Variants in ABCA13 observed in about 807,000 individuals in gnomAD.
The protein encoded by ABCA13 is ATP binding cassette subfamily A member 13, also known as ATP-binding cassette sub-family A member 13.
ABCA13 carries 476 observed loss-of-function variants against 478.7 expected under a neutral mutation model. The observed-to-expected ratio is 0.99, with a 90% confidence interval of 0.92 to 1.07. The LOEUF is 1.07. ABCA13 is among the 50% of genes least tolerant of loss of function. ABCA13 has a pLI of 0.00. For missense variants in ABCA13, 6,060 were observed against 5,910.6 expected, an observed-to-expected ratio of 1.03 and a Z score of -0.83; for synonymous variants, 2,252 against 2,158.9, an observed-to-expected ratio of 1.04 and a Z score of -1.20.
At chr7:48,384,243 C>T (rs1814824005) in intron 35 of ABCA13, among the ~76,000 whole-genome samples, 1 of 152,234 alleles carries the variant, frequency 6.6e-6, no homozygotes, top group Non-Finnish European at 1.5e-5. Flanking sequence ...TGCTTGCTTT[C>T]TGTCTCCTTT....
intron 15 of ABCA13, among the ~76,000 whole-genome samples, chr7:48,267,271 A>G (rs1308984968): frequency 3.9e-5 from 6 of 151,994 alleles, no homozygotes; most frequent in Non-Finnish European, 8.8e-5. Flanking sequence ...TCTCTTGACT[A>G]TAATTGTACA....
At chr7:48,298,879 C>A (rs1799762876) in intron 23 of ABCA13, among the ~76,000 whole-genome samples, 1 of 152,178 alleles carries the variant, frequency 6.6e-6, no homozygotes, top group African/African-American at 2.4e-5. Flanking sequence ...TCTTAAGAAT[C>A]AACTATGACT....
chr7:48,311,395 C>T (rs959121118), intron 24 of ABCA13, among the ~76,000 whole-genome samples: 2 of 152,158 alleles, frequency 1.3e-5, no homozygotes, highest in Non-Finnish European at 2.9e-5. Flanking sequence ...TGGTGGAATT[C>T]GTATTTTTCG....
At chr7:48,238,467 C>CTT (rs34705800) in intron 8 of ABCA13, among the ~76,000 whole-genome samples, 6 of 144,962 alleles carry the variant, frequency 4.1e-5, no homozygotes, top group East Asian at 2.0e-4. Context: ...TGTTGAAGTT[C>CTT]TTTTTTTTTT....
In ABCA13 at chr7:48,412,466, C is replaced by T. The variant is rs1563212966; in HGVS notation, c.12342C>T (p.Tyr4114=). 2 of 1,613,496 alleles carry T rather than the reference C, an allele frequency of 1.2e-6. No homozygotes were observed. Among genetic ancestry groups the T allele is most frequent in the Non-Finnish European group, 1.7e-6 (2 of 1,179,836 alleles). Residue 4114 remains tyrosine (Y), a synonymous_variant, in exon 41 of 62, where the codon TAC becomes TAT. Transcript: ENST00000435803. ...LKDSSGSELT[Y]TIPKDTDKAC... is the part of the protein sequence containing the mutation. ...ACAGCAGTGGAAGTGAGCTGACCTA[C>T]ACCATTCCAAAGGACACAGACAAGG...
chr7:48,597,997 G>A (rs184454446), intron 58 of ABCA13, among the ~76,000 whole-genome samples: 1 of 152,216 alleles, frequency 6.6e-6, no homozygotes, highest in Admixed American at 6.5e-5. Flanking sequence ...CTTGATGTTG[G>A]ACATTTTATG....
chr7:48,410,438 T>C (rs1430129916), intron 39 of ABCA13, 82 bp from the exon 40 acceptor site: 3 of 1,528,578 alleles, frequency 2.0e-6, no homozygotes, highest in Non-Finnish European at 2.7e-6. Context: ...GTGCCCTGGA[T>C]CTACCATCCT....
At chr7:48,359,176 G>A (rs1810426078) in intron 31 of ABCA13, among the ~76,000 whole-genome samples, 1 of 151,914 alleles carries the variant, frequency 6.6e-6, no homozygotes, top group South Asian at 2.1e-4. Context: ...TGAGACTTGT[G>A]AGGGGCAACG....
rs1814815443 is a variant in ABCA13, at chr7:48,384,180, G to A, written c.11336-3642G>A. Among the ~76,000 whole-genome samples the A allele has an allele frequency of 2.0e-5, 3 of 152,338 alleles. No individual in the cohort carries two copies. The South Asian group carries it at 6.2e-4, about 32-fold the overall frequency. ...TGCGACTGAGTGTGGTTGCCTGAGA[G>A]GCCTCTGAGCCGAAGACCTGCAGCT... On this transcript the variant is annotated intron_variant, in intron 35 of 61. Coordinates refer to ENST00000435803, the MANE Select transcript of ABCA13 (RefSeq NM_152701.5).
rs11454640 is a variant in ABCA13, at chr7:48,468,120, G to GAA, written c.12905+1085_12905+1086dup. Among the ~76,000 whole-genome samples, 12 of 147,998 alleles carry GAA rather than the reference G, an allele frequency of 8.1e-5. 1 individual carries two copies. The highest frequency in any genetic ancestry group is 2.5e-4 in the African/African-American group (10 of 40,568). On this transcript the variant is annotated intron_variant, in intron 44 of 61. Transcript: ENST00000435803. ...GCTGGGATCAAAGAAGAACCAGTTAGAAAAAAAAAAATCTTTTATCTAGTC... is the reference window on the plus strand; with the variant it reads ...GCTGGGATCAAAGAAGAACCAGTTAGAAAAAAAAAAAAATCTTTTATCTAGTC...
intron 31 of ABCA13, among the ~76,000 whole-genome samples, chr7:48,360,689 T>C (rs1810685294): frequency 6.6e-6 from 1 of 152,062 alleles, no homozygotes; most frequent in Admixed American, 6.5e-5. Flanking sequence ...TCGTTGTGAT[T>C]CATGTTTTAC....
chr7:48,233,154 T>C (rs1413951834), intron 7 of ABCA13, among the ~76,000 whole-genome samples: 1 of 152,234 alleles, frequency 6.6e-6, no homozygotes, highest in Non-Finnish European at 1.5e-5. Context: ...TGGTCTGTCT[T>C]TGTGAATGTC....
intron 27 of ABCA13, among the ~76,000 whole-genome samples, chr7:48,334,681 TTC>T (rs1805964490): frequency 2.0e-5 from 3 of 152,176 alleles, no homozygotes; most frequent in Admixed American, 6.5e-5. Context: ...TTCAAGGTTT[TTC>T]TCTGTTTGCT....
chr7:48,412,254 T>G (rs1819363238), intron 40 of ABCA13, 99 bp from the exon 41 acceptor site: 11 of 852,310 alleles, frequency 1.3e-5, no homozygotes, highest in Non-Finnish European at 2.0e-5. Flanking sequence ...TGAAATGGAG[T>G]TTTGAAATAA....
intron 59 of ABCA13, chr7:48,627,083 G>C: frequency 1.0e-6 from 1 of 977,972 alleles, no homozygotes; most frequent in Non-Finnish European, 1.2e-6. Flanking sequence ...CTAAATATAG[G>C]CAATTTGCCA....
At chr7:48,628,648 C>A (rs1586035127) in intron 59 of ABCA13, among the ~76,000 whole-genome samples, 1 of 152,144 alleles carries the variant, frequency 6.6e-6, no homozygotes, top group East Asian at 1.9e-4. Flanking sequence ...AATTTATGTA[C>A]TTAGAGGTTA....
Position 48,494,454 on chromosome 7 carries a change from C to G in ABCA13, c.13291+5110C>G, listed in dbSNP as rs566990595. On this transcript the variant is annotated intron_variant, in intron 48 of 61. Transcript: ENST00000435803. ...ATTTGAGATATTTGAGAGAGAAGAT[C>G]TGGTGGTACCCGAGTGAAGGTAAAG... 8.5e-5 allele frequency among the ~76,000 whole-genome samples: 13 copies of G among 152,216 alleles called. No homozygotes were observed. The South Asian group carries it at 2.7e-3, about 32-fold the overall frequency.
At chr7:48,614,424 T>C (rs889091341) in intron 58 of ABCA13, among the ~76,000 whole-genome samples, 2 of 151,352 alleles carry the variant, frequency 1.3e-5, no homozygotes, top group African/African-American at 2.4e-5. Context: ...GGAACACTTT[T>C]ACACTGTTGG....
intron 32 of ABCA13, among the ~76,000 whole-genome samples, chr7:48,368,445 T>C (rs547421828): frequency 1.9e-4 from 29 of 152,042 alleles, no homozygotes; most frequent in African/African-American, 7.0e-4. Context: ...GTATAGTCTT[T>C]TATCAATCAC....
Sources: gnomAD v4.1 joint callset for allele counts (sites outside exome capture counted in the v4.1 genomes callset) on GRCh38, gnomAD v4.1.1 for gene constraint, MANE v1.5 for transcripts, NCBI Gene and HGNC (gene_info 2026-07-23, HGNC 2026-07-21) for gene names.